The following DPP10 variants were observed in gnomAD, a reference collection of about 807,000 sequenced individuals.
DPP10 encodes inactive dipeptidyl peptidase 10.
DPP10 carries 33 observed loss-of-function variants against 120.9 expected under a neutral mutation model. The observed-to-expected ratio is 0.27, with a 90% CI of 0.21 to 0.37. The LOEUF is 0.37. Among genes scored for constraint, DPP10 ranks in the 10% least tolerant of loss-of-function variants. The pLI is 1.00. For missense variants in DPP10, 816 were observed against 942.8 expected (o/e 0.87, Z 1.76); for synonymous variants, 337 against 326.1 (o/e 1.03, Z -0.36).
intron 1 of DPP10, among the ~76,000 whole-genome samples, chr2:115,137,726 C>T (rs2050721840): frequency 6.6e-6 from 1 of 152,154 alleles, no homozygotes; most frequent in Non-Finnish European, 1.5e-5. Context: ...ATTGAGTGAA[C>T]TCCAACTATG....
chr2:115,772,477 C>A (rs1681593122), intron 13 of DPP10, among the ~76,000 whole-genome samples: 1 of 152,106 alleles, frequency 6.6e-6, no homozygotes, highest in South Asian at 2.1e-4. Flanking sequence ...GTTTTCTCCA[C>A]TTTCATATAT....
chr2:114,518,371 C>T (rs1684780473), intron 1 of DPP10, among the ~76,000 whole-genome samples: 1 of 152,130 alleles, frequency 6.6e-6, no homozygotes. Flanking sequence ...AGCCACCGTG[C>T]AGGGCCTATT....
At chr2:115,209,408 A>T (rs1278282981) in intron 1 of DPP10, among the ~76,000 whole-genome samples, 1 of 151,808 alleles carries the variant, frequency 6.6e-6, no homozygotes, top group African/African-American at 2.4e-5. Context: ...ACACTCACAA[A>T]CATATATATG....
intron 2 of DPP10, among the ~76,000 whole-genome samples, chr2:115,330,812 T>C (rs557833160): frequency 1.7e-4 from 26 of 152,340 alleles, no homozygotes; most frequent in Middle Eastern, 3.4e-3. Context: ...AGTACCATGC[T>C]GTTTTGGTTA....
At chr2:115,786,034 A>G (rs1363305933) in intron 17 of DPP10, among the ~76,000 whole-genome samples, 1 of 152,186 alleles carries the variant, frequency 6.6e-6, no homozygotes, top group Non-Finnish European at 1.5e-5. Context: ...TAGAACATCT[A>G]GTCTTCCAGA....
At chr2:114,682,193 C>T (rs531304561) in intron 1 of DPP10, among the ~76,000 whole-genome samples, 4 of 151,948 alleles carry the variant, frequency 2.6e-5, no homozygotes, top group Non-Finnish European at 1.5e-5. Context: ...TCTCCCCATC[C>T]TCTCTCTGAA....
chr2:114,445,167 T>C (rs1677869659), intron 1 of DPP10, among the ~76,000 whole-genome samples: 1 of 152,188 alleles, frequency 6.6e-6, no homozygotes, highest in African/African-American at 2.4e-5. Context: ...CATGGTTGTT[T>C]AAAGTTAATT....
intron 1 of DPP10, among the ~76,000 whole-genome samples, chr2:115,259,130 T>G (rs1220563995): frequency 1.3e-5 from 2 of 152,168 alleles, no homozygotes; most frequent in African/African-American, 4.8e-5. Context: ...GATCTACAAT[T>G]ACTGCTGGAA....
intron 1 of DPP10, among the ~76,000 whole-genome samples, chr2:114,580,722 T>G (rs771845202): frequency 2.1e-4 from 19 of 91,404 alleles, no homozygotes; most frequent in Non-Finnish European, 3.7e-4. Flanking sequence ...ATCACATCTG[T>G]TTTTTTTTTT....
At chr2:115,799,545 T>C (rs893049871) in intron 19 of DPP10, among the ~76,000 whole-genome samples, 1 of 151,088 alleles carries the variant, frequency 6.6e-6, no homozygotes, top group African/African-American at 2.4e-5. Flanking sequence ...TAACACGTCA[T>C]TTAGCATTAG....
At chr2:115,557,396 T>C (rs2080283083) in intron 5 of DPP10, among the ~76,000 whole-genome samples, 1 of 152,198 alleles carries the variant, frequency 6.6e-6, no homozygotes. Flanking sequence ...CAGTCTGTCA[T>C]TTTGACACCA....
intron 1 of DPP10, among the ~76,000 whole-genome samples, chr2:114,980,988 G>A (rs891140367): frequency 1.4e-5 from 2 of 142,474 alleles, no homozygotes; most frequent in Admixed American, 7.4e-5. Flanking sequence ...AATATGTTGT[G>A]TCATTTTTTT....
intron 1 of DPP10, among the ~76,000 whole-genome samples, chr2:115,274,950 T>A (rs952503075): frequency 1.2e-4 from 18 of 152,314 alleles, no homozygotes; most frequent in Admixed American, 1.0e-3. Context: ...CGCACAGGGT[T>A]CTATTCACAG....
At chr2:115,665,973 A>T (rs1001910344) in intron 5 of DPP10, among the ~76,000 whole-genome samples, 1 of 152,032 alleles carries the variant, frequency 6.6e-6, no homozygotes. Flanking sequence ...GGAGTTTGGC[A>T]TATAGATTAT....
chr2:114,687,753 T>C (rs1056447511), intron 1 of DPP10, among the ~76,000 whole-genome samples: 4 of 151,976 alleles, frequency 2.6e-5, no homozygotes, highest in Admixed American at 6.6e-5. Context: ...GAGCAAGGCT[T>C]CCACCATTTC....
intron 5 of DPP10, among the ~76,000 whole-genome samples, chr2:115,676,561 A>T (rs1275427184): frequency 6.6e-6 from 1 of 152,184 alleles, no homozygotes; most frequent in African/African-American, 2.4e-5. Context: ...CAATAAAAAT[A>T]AGTGCTTCAT....
chr2:114,843,598 A>G (rs549636358), intron 1 of DPP10, among the ~76,000 whole-genome samples: 1 of 152,162 alleles, frequency 6.6e-6, no homozygotes, highest in Non-Finnish European at 1.5e-5. Context: ...ATTGACCTTT[A>G]CTATCCTTTT....
At chr2:115,769,983 C>G (rs1369325686) in intron 13 of DPP10, among the ~76,000 whole-genome samples, 2 of 151,966 alleles carry the variant, frequency 1.3e-5, no homozygotes, top group Middle Eastern at 3.4e-3. Context: ...AGAAGATTAC[C>G]TACAAATTAT....
intron 1 of DPP10, among the ~76,000 whole-genome samples, chr2:115,258,479 CAA>C (rs59149975): frequency 8.6e-5 from 9 of 104,700 alleles, no homozygotes; most frequent in African/African-American, 6.9e-5. Flanking sequence ...TCCAAGTTGG[CAA>C]AAAAAAAAAA....
Sources: allele counts gnomAD v4.1 joint callset (sites outside exome capture counted in the v4.1 genomes callset), GRCh38; gene constraint gnomAD v4.1.1; transcripts MANE v1.5; gene names NCBI Gene and HGNC (gene_info 2026-07-23, HGNC 2026-07-21).